The following ERICH5 variants were observed in gnomAD, a reference collection of about 807,000 sequenced individuals.
The protein encoded by ERICH5 is glutamate-rich protein 5.
ERICH5 carries 24 observed loss-of-function variants against 28.0 expected under a neutral mutation model. The ratio of observed to expected loss-of-function variants is 0.86; its 90% confidence interval spans 0.62 to 1.21. ERICH5 has a LOEUF of 1.21. Ranked by LOEUF, ERICH5 falls within the 50% of genes most tolerant of loss-of-function variation. The pLI is 0.00. For synonymous variants in ERICH5, 163 were observed against 157.6 expected (o/e 1.03, Z -0.25); for missense variants, 421 against 441.2 (o/e 0.95, Z 0.41).
intron 1 of ERICH5, among the ~76,000 whole-genome samples, chr8:98,065,162 T>C (rs1814798825): frequency 6.6e-6 from 1 of 152,166 alleles, no homozygotes; most frequent in South Asian, 2.1e-4. Context: ...GGCGGGACGA[T>C]CTCTTGAGAC....
At chr8:98,091,993 C>CCCTTCCCTCCTTCCTTCCTTCCTTCCTT (rs1815417150) in intron 2 of ERICH5, among the ~76,000 whole-genome samples, 1 of 55,024 alleles carries the variant, frequency 1.8e-5, no homozygotes, top group Non-Finnish European at 3.6e-5. Context: ...TCTCTCTCTC[C>CCCTTCCCTCCTTCCTTCCTTCCTTCCTT]CCTTCCTTCC....
intron 1 of ERICH5, among the ~76,000 whole-genome samples, chr8:98,070,673 A>AAAAAAAAAAAAAAAAAAAAT: frequency 6.8e-6 from 1 of 147,356 alleles, no homozygotes; most frequent in African/African-American, 2.5e-5. Context: ...AAAAAAAAAA[A>AAAAAAAAAAAAAAAAAAAAT]AAAAAAAAAG....
chr8:98,076,729 C>G (rs767465011), intron 1 of ERICH5, among the ~76,000 whole-genome samples: 2 of 152,060 alleles, frequency 1.3e-5, no homozygotes, highest in Admixed American at 6.6e-5. Flanking sequence ...TCCCTGGTGA[C>G]TCCATAGGTA....
intron 1 of ERICH5, among the ~76,000 whole-genome samples, chr8:98,087,619 C>T (rs1168800120): frequency 1.3e-5 from 2 of 151,792 alleles, no homozygotes; most frequent in Admixed American, 6.6e-5. Flanking sequence ...TTTGCCCTCC[C>T]TCCCCTCCCT....
chr8:98,084,282 A>T (rs1815233477), intron 1 of ERICH5, among the ~76,000 whole-genome samples: 1 of 152,094 alleles, frequency 6.6e-6, no homozygotes, highest in African/African-American at 2.4e-5. Context: ...CATTATGTCC[A>T]GTCATTTTTA....
At chr8:98,078,051 T>C (rs1586201876) in intron 1 of ERICH5, among the ~76,000 whole-genome samples, 1 of 152,330 alleles carries the variant, frequency 6.6e-6, no homozygotes, top group East Asian at 1.9e-4. Flanking sequence ...GATAATTTTA[T>C]ATGTCAGTTA....
chr8:98,079,155 TTTTTTTTTTCC>T (rs1317305349), intron 1 of ERICH5, among the ~76,000 whole-genome samples: 15 of 13,348 alleles, frequency 1.1e-3, no homozygotes, highest in Non-Finnish European at 7.1e-3. Flanking sequence ...ATTTTCCTCT[TTTTTTTTTTCC>T]TTTTTTTTTT....
At chr8:98,088,203 G>A (rs1815314710) in intron 1 of ERICH5, among the ~76,000 whole-genome samples, 1 of 152,116 alleles carries the variant, frequency 6.6e-6, no homozygotes. Context: ...ATTTCCAGAA[G>A]CAGAACTGCT....
intron 1 of ERICH5, among the ~76,000 whole-genome samples, chr8:98,070,349 C>T (rs1036452468): frequency 2.0e-5 from 3 of 149,564 alleles, no homozygotes; most frequent in Admixed American, 6.7e-5. Flanking sequence ...CACAGTGAGA[C>T]TTCTCTCTAA....
chr8:98,088,305 C>T (rs574112290), intron 1 of ERICH5, among the ~76,000 whole-genome samples: 15 of 152,258 alleles, frequency 9.9e-5, no homozygotes, highest in African/African-American at 3.4e-4. Flanking sequence ...ACTATCACGC[C>T]TCATGCAACT....
intron 1 of ERICH5, among the ~76,000 whole-genome samples, chr8:98,073,273 T>G (rs1298980658): frequency 6.6e-6 from 1 of 150,466 alleles, no homozygotes; most frequent in East Asian, 2.0e-4. Flanking sequence ...ATACATATAA[T>G]GCACTGAGAA....
Position 98,072,178 on chromosome 8 carries a change from C to A in ERICH5, c.58+7451C>A, listed in dbSNP as rs369763528. Among the ~76,000 whole-genome samples the A allele has an allele frequency of 1.4e-4, 21 of 152,164 alleles. 1 individual carries two copies. Among genetic ancestry groups the A allele is most frequent in the East Asian group, 1.3e-3 (7 of 5,204 alleles). On this transcript the variant is annotated intron_variant, in intron 1 of 2. Transcript: ENST00000318528. ...AGTTGTTTATATCAGAGTTTCCCAGCCTGTGAGAATGGTTTATAGCCATGC... is the reference window on the plus strand; with the variant it reads ...AGTTGTTTATATCAGAGTTTCCCAGACTGTGAGAATGGTTTATAGCCATGC...
At chr8:98,071,794 C>T (rs774928774) in intron 1 of ERICH5, among the ~76,000 whole-genome samples, 8 of 152,102 alleles carry the variant, frequency 5.3e-5, no homozygotes, top group East Asian at 3.8e-4. Context: ...GAATTGCCTT[C>T]GGGCTCTCAA....
chr8:98,080,949 C>T (rs557990764), intron 1 of ERICH5, among the ~76,000 whole-genome samples: 4 of 152,104 alleles, frequency 2.6e-5, no homozygotes, highest in Non-Finnish European at 5.9e-5. Flanking sequence ...GTGATTTGCC[C>T]GCCTCGGCCT....
At chr8:98,075,346 A>G (rs1485227888) in intron 1 of ERICH5, among the ~76,000 whole-genome samples, 3 of 152,200 alleles carry the variant, frequency 2.0e-5, no homozygotes, top group Non-Finnish European at 4.4e-5. Context: ...GCTTTGCTTT[A>G]TGAAGAAGCT....
intron 1 of ERICH5, among the ~76,000 whole-genome samples, chr8:98,081,957 T>C (rs1417810778): frequency 6.6e-6 from 1 of 151,816 alleles, no homozygotes; most frequent in Non-Finnish European, 1.5e-5. Context: ...CCCTATACTG[T>C]AGGTCTATAG....
At chr8:98,086,810 G>A (rs1400980755) in intron 1 of ERICH5, among the ~76,000 whole-genome samples, 3 of 152,012 alleles carry the variant, frequency 2.0e-5, no homozygotes, top group South Asian at 2.1e-4. Context: ...AATTAGCCGG[G>A]CGTGGTGGTG....
At chr8:98,085,933 A>C (rs1285560759) in intron 1 of ERICH5, among the ~76,000 whole-genome samples, 1 of 152,168 alleles carries the variant, frequency 6.6e-6, no homozygotes, top group Non-Finnish European at 1.5e-5. Flanking sequence ...ACTGCTTCTG[A>C]TGGCTTCACC....
chr8:98,080,664 TCTC>T, intron 1 of ERICH5, among the ~76,000 whole-genome samples: 2 of 148,524 alleles, frequency 1.3e-5, no homozygotes, highest in Admixed American at 1.4e-4. Context: ...TTCTCCTCCT[TCTC>T]CTTCTCCTTC....
Sources: gnomAD v4.1 joint callset for allele counts (sites outside exome capture counted in the v4.1 genomes callset) on GRCh38, gnomAD v4.1.1 for gene constraint, MANE v1.5 for transcripts, NCBI Gene and HGNC (gene_info 2026-07-23, HGNC 2026-07-21) for gene names.